The following SMAD9 variants were observed in gnomAD, a reference collection of about 807,000 sequenced individuals.
The protein encoded by SMAD9 is MAD homolog 9.
In SMAD9, 36 loss-of-function variants were observed where a neutral mutation model predicts 46.1. The ratio of observed to expected loss-of-function variants is 0.78; its 90% CI spans 0.60 to 1.03. The LOEUF is 1.03. Among genes scored for constraint, SMAD9 ranks in the 50% least tolerant of loss-of-function variants. The pLI is 0.00. For missense variants in SMAD9, 572 were observed against 599.8 expected (o/e 0.95, Z 0.48); for synonymous variants, 245 against 237.1 (o/e 1.03, Z -0.31).
intron 2 of SMAD9, among the ~76,000 whole-genome samples, chr13:36,876,912 G>A (rs778441944): frequency 6.6e-6 from 1 of 151,036 alleles, no homozygotes; most frequent in Non-Finnish European, 1.5e-5. Flanking sequence ...AAAAACACAA[G>A]TAAGAAAAAC....
In SMAD9 at chr13:36,848,677, T is replaced by TA; in HGVS notation, c.1402dup (p.Ter468LeufsTer6). On this transcript the variant is annotated frameshift_variant and stop_lost, in exon 7 of 7. Coordinates refer to ENST00000379826, the MANE Select transcript of SMAD9 (RefSeq NM_001127217.3). LOFTEE classifies it high-confidence loss of function. ...GAAATGCAGCTTAAGACATGACTGTTAAGACACTGAAGAAATGGGGTTATG... is the reference window on the plus strand; with the variant it reads ...GAAATGCAGCTTAAGACATGACTGTTAAAGACACTGAAGAAATGGGGTTATG... The TA allele has an allele frequency of 6.2e-7, 1 of 1,614,144 alleles. No individual in the cohort carries two copies. Among genetic ancestry groups the TA allele is most frequent in the Non-Finnish European group, 8.5e-7 (1 of 1,179,980 alleles).
At chr13:36,912,208 A>G (rs1015275237) in intron 1 of SMAD9, among the ~76,000 whole-genome samples, 18 of 152,182 alleles carry the variant, frequency 1.2e-4, no homozygotes, top group African/African-American at 4.3e-4. Flanking sequence ...TTAAAATTGA[A>G]TAGTTCTCCT....
In SMAD9 at chr13:36,879,542, CCTT is replaced by C. The variant is rs751217637; in HGVS notation, c.145_147del (p.Lys49del). The C allele has an allele frequency of 2.0e-5, 32 of 1,614,072 alleles. No homozygotes were observed. The African/African-American group carries it at 2.0e-4, about 10-fold the overall frequency. On this transcript the variant is annotated inframe_deletion, in exon 2 of 7. Transcript: ENST00000379826. ...GCCCTCTCCAGCTCGTCCATGGCTC[CCTT>C]CTTCTTCTTTAACTTCTTCACTAGA...
intron 5 of SMAD9, among the ~76,000 whole-genome samples, chr13:36,858,778 A>G (rs1022298151): frequency 6.6e-6 from 1 of 152,214 alleles, no homozygotes; most frequent in Non-Finnish European, 1.5e-5. Flanking sequence ...AACATCTATT[A>G]GTTATTAGCT....
chr13:36,884,910 G>A (rs532210412), intron 1 of SMAD9, among the ~76,000 whole-genome samples: 3 of 152,310 alleles, frequency 2.0e-5, no homozygotes, highest in East Asian at 1.9e-4. Flanking sequence ...TGCACAATGC[G>A]CTCAGCCCAG....
chr13:36,873,330 T>C (rs534503631), intron 2 of SMAD9, among the ~76,000 whole-genome samples: 5 of 152,190 alleles, frequency 3.3e-5, no homozygotes, highest in African/African-American at 7.2e-5. Flanking sequence ...TAAGTCTTTT[T>C]TTCCCCCAAG....
At chr13:36,863,087 C>T (rs1438922768) in intron 5 of SMAD9, among the ~76,000 whole-genome samples, 2 of 152,168 alleles carry the variant, frequency 1.3e-5, no homozygotes, top group Non-Finnish European at 2.9e-5. Context: ...CAAGTTAACT[C>T]ATTTGCTAGC....
chr13:36,901,296 CG>C (rs1299257924), intron 1 of SMAD9, among the ~76,000 whole-genome samples: 3 of 152,284 alleles, frequency 2.0e-5, no homozygotes, highest in Non-Finnish European at 2.9e-5. Context: ...CCATCAGAAA[CG>C]TATGAAAATT....
At chr13:36,862,059 G>T (rs936471874) in intron 5 of SMAD9, among the ~76,000 whole-genome samples, 2 of 151,972 alleles carry the variant, frequency 1.3e-5, no homozygotes, top group Non-Finnish European at 2.9e-5. Flanking sequence ...GGAAGGCCCC[G>T]CAACAATTTG....
At chr13:36,896,090 C>T (rs906557624) in intron 1 of SMAD9, among the ~76,000 whole-genome samples, 2 of 151,850 alleles carry the variant, frequency 1.3e-5, no homozygotes, top group Non-Finnish European at 2.9e-5. Flanking sequence ...CCCACCCACC[C>T]TGTTGCCAAT....
chr13:36,897,644 C>CT (rs1426197243), intron 1 of SMAD9, among the ~76,000 whole-genome samples: 1 of 152,134 alleles, frequency 6.6e-6, no homozygotes, highest in Non-Finnish European at 1.5e-5. Flanking sequence ...TGATAACCTG[C>CT]TTTTCATAAA....
At position 36,846,761 on chromosome 13, in the gene SMAD9, AAAT is replaced by A. The variant is rs988993093; in HGVS notation, c.*1912_*1914del. On this transcript the variant is annotated 3_prime_UTR_variant, in exon 7 of 7. Coordinates refer to ENST00000379826, the MANE Select transcript of SMAD9 (RefSeq NM_001127217.3). ...TACCTGACTTTGCAGAAGAGTAAGG[AAAT>A]AATTTCAAAACAGAGATAAGAAATC... The A allele has an allele frequency of 3.3e-5, 5 of 152,236 alleles. No homozygotes were observed. Among genetic ancestry groups the A allele is most frequent in the African/African-American group, 1.2e-4 (5 of 41,458 alleles). The allele number at this position is 152,236 out of a possible 1,614,324, so 9.4% of individuals were successfully genotyped here.
chr13:36,869,581 C>T lies in SMAD9; in HGVS notation c.671-2198G>A, dbSNP rs190794314. 2.1e-4 allele frequency among the ~76,000 whole-genome samples: 32 copies of T among 152,108 alleles called. No individual in the cohort carries two copies. In the East Asian group the frequency reaches 4.5e-3, roughly 21 times the overall value. On this transcript the variant is annotated intron_variant, in intron 3 of 6. Transcript: ENST00000379826. The stretch of plus-strand genomic sequence containing the variant: ...GGTGCAGTGGAGCATGCCTATAATC[C>T]CAGCACTTTCGGAGGCCGAGGCGGG...
chr13:36,882,424 T>C (rs1298693736), intron 1 of SMAD9, among the ~76,000 whole-genome samples: 1 of 152,228 alleles, frequency 6.6e-6, no homozygotes, highest in Non-Finnish European at 1.5e-5. Flanking sequence ...GCCACCACAC[T>C]TTCTCATCCC....
At chr13:36,905,110 G>A (rs2058607822) in intron 1 of SMAD9, among the ~76,000 whole-genome samples, 1 of 152,190 alleles carries the variant, frequency 6.6e-6, no homozygotes, top group South Asian at 2.1e-4. Context: ...GTAACTGGGG[G>A]AGGGAGGTGC....
At chr13:36,851,728 T>A in intron 6 of SMAD9, 10 of 962,150 alleles carry the variant, frequency 1.0e-5, no homozygotes, top group Non-Finnish European at 1.2e-5. Flanking sequence ...TCTCAAATGT[T>A]AAAAAAAAAT....
chr13:36,853,366 T>C (rs945899000), intron 6 of SMAD9, 53 bp downstream of exon 6: 1 of 1,602,352 alleles, frequency 6.2e-7, no homozygotes, highest in Non-Finnish European at 8.5e-7. Context: ...AGGGTGCTTT[T>C]TTGTTTTGTT....
At chr13:36,860,131 C>T (rs1219222755) in intron 5 of SMAD9, among the ~76,000 whole-genome samples, 1 of 152,118 alleles carries the variant, frequency 6.6e-6, no homozygotes, top group Non-Finnish European at 1.5e-5. Flanking sequence ...TGTGAGAGAT[C>T]TAAGAACCTT....
Position 36,879,715 on chromosome 13 carries a change from G to T in SMAD9, c.-26C>A, listed in dbSNP as rs368984110. On this transcript the variant is annotated 5_prime_UTR_variant, in exon 2 of 7. Transcript: ENST00000379826. ...AAGAGGCCACAGCAGGCTCCGGCGC[G>T]CACGGGAACCGCACAGCCCTTCACG... is the stretch of plus-strand genomic sequence containing the variant. 1 of 1,612,602 alleles carries T rather than the reference G, an allele frequency of 6.2e-7. No individual in the cohort carries two copies. The highest frequency in any genetic ancestry group is 8.5e-7 in the Non-Finnish European group (1 of 1,179,980).
Sources: allele counts gnomAD v4.1 joint callset (sites outside exome capture counted in the v4.1 genomes callset), GRCh38; gene constraint gnomAD v4.1.1; transcripts MANE v1.5; gene names NCBI Gene and HGNC (gene_info 2026-07-23, HGNC 2026-07-21).